Variants in CDKL4 observed in about 807,000 individuals in gnomAD.
CDKL4 encodes the protein cyclin dependent kinase like 4, also known as cyclin-dependent kinase-like 4.
CDKL4 carries 44 observed loss-of-function variants against 42.0 expected under a neutral mutation model. The ratio of observed to expected loss-of-function variants is 1.05; its 90% CI spans 0.82 to 1.35. The LOEUF (loss-of-function observed/expected upper bound fraction) is 1.35. CDKL4 is among the 40% of genes most tolerant of loss of function. The pLI is 0.00. For missense variants in CDKL4, 393 were observed against 369.9 expected, an observed-to-expected ratio of 1.06 and a Z score of -0.51; for synonymous variants, 120 against 121.6, an observed-to-expected ratio of 0.99 and a Z score of 0.09.
In CDKL4 at chr2:39,190,639, AT is replaced by A; in HGVS notation, c.455-138del. On this transcript the variant is annotated intron_variant, in intron 5 of 9. Transcript: ENST00000451199. Reference sequence around the variant, plus strand: ...TAAGGGTTAATGCATTGAGGCACTAATTGAGGAAACAGTTACTGTGCATTGA... The same window carrying A: ...TAAGGGTTAATGCATTGAGGCACTAATGAGGAAACAGTTACTGTGCATTGA... 1.8e-5 allele frequency: 12 copies of A among 676,166 alleles called. No homozygotes were observed. In the South Asian group the frequency reaches 2.2e-4, roughly 13 times the overall value. The allele number at this position is 676,166 out of a possible 1,614,324, so 41.9% of individuals were successfully genotyped here. A position where few individuals can be genotyped will look rare whatever the true frequency, so the allele number is the denominator to read the frequency against.
chr2:39,230,964 C>T (rs760738322), intron 1 of CDKL4, among the ~76,000 whole-genome samples: 4 of 152,168 alleles, frequency 2.6e-5, no homozygotes, highest in Non-Finnish European at 5.9e-5. Flanking sequence ...AATCCCAGAA[C>T]TCTGGGAGGT....
downstream of CDKL4, among the ~76,000 whole-genome samples, chr2:39,173,587 A>C (rs978447033): frequency 2.0e-5 from 3 of 152,156 alleles, no homozygotes; most frequent in Admixed American, 6.6e-5. Flanking sequence ...AGATGGGCGG[A>C]TCACGAGGTC....
chr2:39,217,095 CAGA>C (rs569153404), intron 3 of CDKL4, among the ~76,000 whole-genome samples: 1 of 152,252 alleles, frequency 6.6e-6, no homozygotes, highest in African/African-American at 2.4e-5. Flanking sequence ...GCGCCCAGTC[CAGA>C]AAGATAGAGC....
intron 5 of CDKL4, among the ~76,000 whole-genome samples, chr2:39,200,137 A>C (rs1455719634): frequency 6.6e-6 from 1 of 152,182 alleles, no homozygotes; most frequent in Non-Finnish European, 1.5e-5. Context: ...GAATTCAGCA[A>C]AATTTTAGGA....
chr2:39,179,162 C>T (rs1394681537), intron 9 of CDKL4, 25 bp downstream of exon 9: 1 of 1,587,110 alleles, frequency 6.3e-7, no homozygotes, highest in Non-Finnish European at 8.5e-7. Flanking sequence ...ATTTTTATAG[C>T]ACTTTAACTT....
At chr2:39,237,834 T>C (rs1301355122) in intron 1 of CDKL4, among the ~76,000 whole-genome samples, 1 of 152,200 alleles carries the variant, frequency 6.6e-6, no homozygotes, top group South Asian at 2.1e-4. Flanking sequence ...AAAAGTCTAC[T>C]AGAAATAATC....
chr2:39,205,011 TC>T (rs1677078093), intron 4 of CDKL4, among the ~76,000 whole-genome samples: 1 of 151,994 alleles, frequency 6.6e-6, no homozygotes, highest in Middle Eastern at 3.4e-3. Context: ...AGACCCTGTC[TC>T]TACAAAAAAG....
chr2:39,168,073 T>A, the CDKL4 span, among the ~76,000 whole-genome samples: 1 of 152,110 alleles, frequency 6.6e-6, no homozygotes. Context: ...CATATGTGGG[T>A]TTTCAAAGTA....
upstream of CDKL4, among the ~76,000 whole-genome samples, chr2:39,245,357 C>A (rs144842065): frequency 7.2e-4 from 109 of 152,230 alleles, 2 homozygotes; most frequent in East Asian, 0.021. Context: ...CCTGAGCCAG[C>A]GAGACCACGA....
chr2:39,204,147 A>C (rs1463663637), intron 5 of CDKL4, among the ~76,000 whole-genome samples: 1 of 152,024 alleles, frequency 6.6e-6, no homozygotes, highest in African/African-American at 2.4e-5. Flanking sequence ...GTTTTTTTCA[A>C]CCACTCTCGC....
Position 39,224,184 on chromosome 2 carries a change from C to T in CDKL4, c.290+1655G>A, listed in dbSNP as rs1034300296. Among the ~76,000 whole-genome samples, 5 of 151,954 alleles carry T rather than the reference C, an allele frequency of 3.3e-5. No homozygotes were observed. The East Asian group carries it at 9.6e-4, about 29-fold the overall frequency. Reference sequence around the variant, plus strand: ...AGTTTTGTTTATGGTACTTTTTTGTCAAAGGGAGTCTCTTAAACTACTGTG... The same window carrying T: ...AGTTTTGTTTATGGTACTTTTTTGTTAAAGGGAGTCTCTTAAACTACTGTG... On this transcript the variant is annotated intron_variant, in intron 3 of 9. Transcript: ENST00000451199.
intron 3 of CDKL4, among the ~76,000 whole-genome samples, chr2:39,216,379 G>C (rs1415762426): frequency 6.6e-6 from 1 of 152,182 alleles, no homozygotes; most frequent in African/African-American, 2.4e-5. Context: ...GCTGAAACTT[G>C]AGTGAAGAAG....
chr2:39,197,339 C>A (rs1003777889), intron 5 of CDKL4, among the ~76,000 whole-genome samples: 1 of 151,386 alleles, frequency 6.6e-6, no homozygotes, highest in African/African-American at 2.5e-5. Context: ...TTATGTTTAA[C>A]GATGAAACCT....
chr2:39,181,078 C>T (rs969303947), intron 8 of CDKL4, among the ~76,000 whole-genome samples: 3 of 152,194 alleles, frequency 2.0e-5, no homozygotes, highest in African/African-American at 4.8e-5. Flanking sequence ...TAAAGTGGCT[C>T]TTGTTATTAA....
chr2:39,191,375 C>T (rs191873450), intron 5 of CDKL4, among the ~76,000 whole-genome samples: 1 of 152,126 alleles, frequency 6.6e-6, no homozygotes, highest in Non-Finnish European at 1.5e-5. Context: ...GCCTGGGCGA[C>T]AGAGTAAGAC....
intron 6 of CDKL4, among the ~76,000 whole-genome samples, chr2:39,187,962 G>A (rs936393805): frequency 4.6e-5 from 7 of 152,052 alleles, no homozygotes; most frequent in African/African-American, 9.7e-5. Flanking sequence ...CAGCTACTCA[G>A]GAGGCTGAGG....
chr2:39,233,044 C>CA (rs72150084), intron 1 of CDKL4, among the ~76,000 whole-genome samples: 4,200 of 66,120 alleles, frequency 0.064, 611 homozygotes, highest in African/African-American at 0.24. Flanking sequence ...GACTCCATCT[C>CA]AAAAAAAAAA....
At chr2:39,181,390 C>A (rs907845270) in intron 8 of CDKL4, among the ~76,000 whole-genome samples, 1 of 152,142 alleles carries the variant, frequency 6.6e-6, no homozygotes, top group Admixed American at 6.6e-5. Flanking sequence ...CTCTTTGCTG[C>A]CTATGGCTTC....
chr2:39,214,536 C>T (rs1423225604), intron 3 of CDKL4, among the ~76,000 whole-genome samples: 5 of 152,156 alleles, frequency 3.3e-5, no homozygotes, highest in Non-Finnish European at 7.3e-5. Context: ...CTGTAATCAT[C>T]CATCTTATGA....
Sources: allele counts gnomAD v4.1 joint callset (sites outside exome capture counted in the v4.1 genomes callset), GRCh38; gene constraint gnomAD v4.1.1; transcripts MANE v1.5; gene names NCBI Gene and HGNC (gene_info 2026-07-23, HGNC 2026-07-21).